ZNF277: variants seen among roughly 807,000 people sequenced by gnomAD.
The protein encoded by ZNF277 is nuclear receptor-interacting factor 4.
A neutral mutation model predicts 60.7 loss-of-function variants in ZNF277; 55 were observed. The observed-to-expected ratio is 0.91, with a 90% CI of 0.73 to 1.13. The LOEUF (loss-of-function observed/expected upper bound fraction) is 1.13. Ranked by LOEUF, ZNF277 falls within the 50% of genes most tolerant of loss-of-function variation. The pLI, the probability that ZNF277 is intolerant of heterozygous loss-of-function variation, is 0.00. For missense variants in ZNF277, 510 were observed against 523.0 expected (o/e 0.98, Z 0.24); for synonymous variants, 178 against 179.3 (o/e 0.99, Z 0.06).
In ZNF277 at chr7:112,268,540, A is replaced by T. The variant is rs541567436; in HGVS notation, c.92-18333A>T. Among the ~76,000 whole-genome samples the T allele has an allele frequency of 3.3e-5, 5 of 152,214 alleles. No individual in the cohort carries two copies. The South Asian group carries it at 6.2e-4, about 19-fold the overall frequency. On this transcript the variant is annotated intron_variant, in intron 1 of 11. Transcript: ENST00000361822. ...ACACTAGATCATTAGCCCACATAGG[A>T]TCATTTGGTAAACACTAGAAATTTG...
At chr7:112,335,604 C>A (rs1422300040) in intron 7 of ZNF277, among the ~76,000 whole-genome samples, 5 of 152,172 alleles carry the variant, frequency 3.3e-5, no homozygotes, top group Middle Eastern at 3.4e-3. Flanking sequence ...CTTAAAAAAA[C>A]CTTTTGAGGT....
At chr7:112,280,917 C>T (rs975392196) in intron 1 of ZNF277, among the ~76,000 whole-genome samples, 3 of 152,120 alleles carry the variant, frequency 2.0e-5, no homozygotes, top group African/African-American at 4.8e-5. Context: ...CATGAGCCAC[C>T]GCGCCCAGCC....
At chr7:112,257,008 C>G (rs553877475) in intron 1 of ZNF277, among the ~76,000 whole-genome samples, 2 of 152,104 alleles carry the variant, frequency 1.3e-5, no homozygotes, top group Non-Finnish European at 2.9e-5. Context: ...TTGGAAACAT[C>G]TCAGAAAATA....
At chr7:112,329,602 G>C (rs918844402) in intron 6 of ZNF277, among the ~76,000 whole-genome samples, 1 of 152,024 alleles carries the variant, frequency 6.6e-6, no homozygotes, top group Non-Finnish European at 1.5e-5. Flanking sequence ...TTAGAAATCA[G>C]AAAATGGCAA....
intron 1 of ZNF277, among the ~76,000 whole-genome samples, chr7:112,226,453 A>G (rs1822178234): frequency 6.6e-6 from 1 of 152,196 alleles, no homozygotes. Flanking sequence ...CTTTAGCACA[A>G]TATGAGAACA....
At chr7:112,224,180 A>G (rs1563196308) in intron 1 of ZNF277, among the ~76,000 whole-genome samples, 1 of 152,134 alleles carries the variant, frequency 6.6e-6, no homozygotes, top group Non-Finnish European at 1.5e-5. Context: ...TTATTCAGGA[A>G]CTCCTACAGT....
chr7:112,217,051 CA>C (rs1330653225), intron 1 of ZNF277, among the ~76,000 whole-genome samples: 1 of 152,166 alleles, frequency 6.6e-6, no homozygotes, highest in Non-Finnish European at 1.5e-5. Flanking sequence ...CTGCTATGTG[CA>C]AACTTCTTTA....
chr7:112,327,658 A>T (rs1793130019), intron 5 of ZNF277, 59 bp from the exon 6 acceptor site: 1 of 1,368,470 alleles, frequency 7.3e-7, no homozygotes, highest in Non-Finnish European at 1.0e-6. Flanking sequence ...TGCTATTCCA[A>T]CCCAAATGTG....
intron 1 of ZNF277, among the ~76,000 whole-genome samples, chr7:112,283,179 C>A (rs771558667): frequency 2.6e-5 from 4 of 152,198 alleles, no homozygotes; most frequent in Non-Finnish European, 5.9e-5. Context: ...GCCAAAAAAT[C>A]ATTTGGGAAT....
intron 1 of ZNF277, among the ~76,000 whole-genome samples, chr7:112,234,553 G>A (rs955833065): frequency 6.6e-6 from 1 of 152,076 alleles, no homozygotes; most frequent in African/African-American, 2.4e-5. Context: ...TTCTACATAT[G>A]AATTTTAAGG....
Position 112,340,927 on chromosome 7 carries a change from C to T in ZNF277, c.1065C>T (p.His355=). 1.2e-6 allele frequency: 2 copies of T among 1,612,238 alleles called. No individual in the cohort carries two copies. Among genetic ancestry groups the T allele is most frequent in the East Asian group, 2.2e-5 (1 of 44,830 alleles). ...KLVNFIRRQV[H]QCRCYGCHVK... ...TCAATTTTATTCGGAGGCAAGTTCA[C>T]CAATGCAGATGTTATGGCTGCCATG... Residue 355 remains histidine (H), a synonymous_variant, in exon 11 of 12, where the codon CAC becomes CAT. Coordinates refer to ENST00000361822, the MANE Select transcript of ZNF277 (RefSeq NM_021994.3).
At chr7:112,336,588 A>G (rs1213452562) in intron 8 of ZNF277, among the ~76,000 whole-genome samples, 1 of 152,188 alleles carries the variant, frequency 6.6e-6, no homozygotes, top group Non-Finnish European at 1.5e-5. Context: ...AAACATTCAC[A>G]GCTTCTTTGC....
chr7:112,341,552 T>A (rs1793445357), intron 11 of ZNF277, among the ~76,000 whole-genome samples: 3 of 152,258 alleles, frequency 2.0e-5, no homozygotes, highest in Admixed American at 2.0e-4. Context: ...AAAATTACTA[T>A]GTCAGAGTTT....
chr7:112,207,751 T>G (rs1191426606), intron 1 of ZNF277, among the ~76,000 whole-genome samples: 1 of 152,182 alleles, frequency 6.6e-6, no homozygotes, highest in Non-Finnish European at 1.5e-5. Context: ...GTTGCGACTT[T>G]GTTTTTCGAT....
chr7:112,330,548 C>CT (rs1171213748), intron 7 of ZNF277: 5,681 of 108,068 alleles, frequency 0.053, 205 homozygotes, highest in Non-Finnish European at 0.062. Flanking sequence ...AGACTCCTTT[C>CT]TTTTTTTTTT....
chr7:112,339,745 T>A, intron 9 of ZNF277, 98 bp from the exon 10 acceptor site: 1 of 1,237,888 alleles, frequency 8.1e-7, no homozygotes, highest in Non-Finnish European at 1.2e-6. Flanking sequence ...AGACTGAGTT[T>A]CTAAACTACT....
At position 112,340,894 on chromosome 7, in the gene ZNF277, G is replaced by A; in HGVS notation, c.1032G>A (p.Val344=). The change falls in exon 11 of 12, where the codon GTG becomes GTA. Residue 344 remains valine, a synonymous_variant. Transcript: ENST00000361822. ...CAGGATTAAATTTCTATCAGCAAGT[G>A]AAACTGGTCAATTTTATTCGGAGGC... The part of the protein sequence containing the change: ...SELGLNFYQQ[V]KLVNFIRRQV... 1 of 1,609,578 alleles carries A rather than the reference G, an allele frequency of 6.2e-7. No homozygotes were observed. The highest frequency in any genetic ancestry group is 8.5e-7 in the Non-Finnish European group (1 of 1,178,418).
At chr7:112,260,005 G>A (rs1298651381) in intron 1 of ZNF277, among the ~76,000 whole-genome samples, 1 of 152,180 alleles carries the variant, frequency 6.6e-6, no homozygotes, top group Non-Finnish European at 1.5e-5. Context: ...AGTGGCTCAC[G>A]CCTGTAATCT....
chr7:112,323,716 T>A (rs1165110904), intron 5 of ZNF277, among the ~76,000 whole-genome samples: 1 of 152,230 alleles, frequency 6.6e-6, no homozygotes, highest in African/African-American at 2.4e-5. Context: ...GCTTAAAAAG[T>A]TGATTTCGAC....
Sources: allele counts gnomAD v4.1 joint callset (sites outside exome capture counted in the v4.1 genomes callset), GRCh38; gene constraint gnomAD v4.1.1; transcripts MANE v1.5; gene names NCBI Gene and HGNC (gene_info 2026-07-23, HGNC 2026-07-21).